Variants in MYO16 observed in about 807,000 individuals in gnomAD.
MYO16 encodes the protein myosin XVI, also known as unconventional myosin-XVI.
In MYO16, 94 loss-of-function variants were observed where a neutral mutation model predicts 205.3. The observed-to-expected ratio is 0.46, with a 90% CI of 0.39 to 0.54. The LOEUF (loss-of-function observed/expected upper bound fraction) is 0.54, where lower values mean the gene tolerates loss of function less well. MYO16 is among the 20% of genes least tolerant of loss of function. The pLI, the probability that MYO16 is intolerant of heterozygous loss-of-function variation, is 0.00. For synonymous variants in MYO16, 988 were observed against 954.0 expected (o/e 1.04, Z -0.66); for missense variants, 2,315 against 2,387.5 (o/e 0.97, Z 0.63).
intron 4 of MYO16, among the ~76,000 whole-genome samples, chr13:108,759,854 T>C (rs550465894): frequency 6.6e-6 from 1 of 152,118 alleles, no homozygotes; most frequent in South Asian, 2.1e-4. Context: ...TTCAATTTAA[T>C]TGGACTGCTC....
intron 1 of MYO16, among the ~76,000 whole-genome samples, chr13:108,639,278 A>G (rs1187049700): frequency 2.0e-5 from 3 of 152,126 alleles, no homozygotes; most frequent in Non-Finnish European, 4.4e-5. Context: ...CTAGAGAGGT[A>G]TTTATAAGGT....
chr13:108,850,543 T>C (rs906311936), intron 10 of MYO16, among the ~76,000 whole-genome samples: 8 of 152,210 alleles, frequency 5.3e-5, no homozygotes, highest in African/African-American at 1.7e-4. Flanking sequence ...TCTTTTGTAC[T>C]TATCTGGTAA....
the MYO16 span, among the ~76,000 whole-genome samples, chr13:108,526,188 T>C: frequency 1.3e-5 from 2 of 152,310 alleles, no homozygotes; most frequent in Admixed American, 1.3e-4. Flanking sequence ...TTGTTACAGA[T>C]ACTATATCTG....
At chr13:108,599,015 CAG>C (rs1318709896) in intron 1 of MYO16, among the ~76,000 whole-genome samples, 2 of 129,824 alleles carry the variant, frequency 1.5e-5, no homozygotes, top group Non-Finnish European at 3.2e-5. Flanking sequence ...ACCCCATCCC[CAG>C]AGTGTGAAGT....
At position 109,010,957 on chromosome 13, in the gene MYO16, T is replaced by TTATATATATATATATATATATA. The variant is rs67321937; in HGVS notation, c.2595+1927_2595+1928insATATATATATATATATATATAT. 2.9e-3 allele frequency among the ~76,000 whole-genome samples: 345 copies of TTATATATATATATATATATATA among 118,496 alleles called. 8 individuals carry two copies. The highest frequency in any genetic ancestry group is 0.014 in the Middle Eastern group (3 of 214). 77.7% of individuals were successfully genotyped at this position (118,496 alleles called of 152,430 possible). ...TCTATTATATATATTACATATAATA[T>TTATATATATATATATATATATA]TATATATATATATATATATTTCTTC... On this transcript the variant is annotated intron_variant, in intron 22 of 34. Coordinates refer to ENST00000457511, the MANE Select transcript of MYO16 (RefSeq NM_001198950.3).
rs575256203 is a variant in MYO16 at position 108,648,401 on chromosome 13, T to G, written c.29-17485T>G. 1.7e-4 allele frequency among the ~76,000 whole-genome samples: 26 copies of G among 152,278 alleles called. No homozygotes were observed. In the East Asian group the frequency reaches 4.6e-3, roughly 27 times the overall value. On this transcript the variant is annotated intron_variant, in intron 1 of 34. Transcript: ENST00000457511. ...ATGACCAGGGATTTTATCTTCTACC[T>G]TTTTATGTCTTAGTTCACAGCCAAG...
chr13:109,049,404 T>TTAGG (rs1887161753), intron 24 of MYO16, among the ~76,000 whole-genome samples: 1 of 152,176 alleles, frequency 6.6e-6, no homozygotes, highest in Admixed American at 6.6e-5. Context: ...GGCTCTCCCG[T>TTAGG]TAGGGCCCAA....
At chr13:109,040,457 A>G (rs544276792) in intron 23 of MYO16, among the ~76,000 whole-genome samples, 1 of 151,538 alleles carries the variant, frequency 6.6e-6, no homozygotes, top group African/African-American at 2.4e-5. Flanking sequence ...TATAGGTGAA[A>G]AAATATGTTT....
chr13:108,765,598 G>A (rs959960146), intron 4 of MYO16, among the ~76,000 whole-genome samples: 1 of 152,166 alleles, frequency 6.6e-6, no homozygotes, highest in Non-Finnish European at 1.5e-5. Flanking sequence ...TCTGTCTGCA[G>A]TATGGAGGAT....
chr13:109,173,452 T>A (rs996320298), intron 33 of MYO16, among the ~76,000 whole-genome samples: 5 of 152,188 alleles, frequency 3.3e-5, no homozygotes, highest in Non-Finnish European at 7.3e-5. Context: ...TTGAGTTTAA[T>A]TCAGAAAAGA....
the MYO16 span, among the ~76,000 whole-genome samples, chr13:108,508,047 G>A: frequency 6.6e-6 from 1 of 151,334 alleles, no homozygotes; most frequent in Non-Finnish European, 1.5e-5. Flanking sequence ...ATAGGTTTCT[G>A]GATTTTTTTC....
chr13:108,625,785 A>G (rs1370069774), upstream of MYO16, among the ~76,000 whole-genome samples: 1 of 152,220 alleles, frequency 6.6e-6, no homozygotes, highest in African/African-American at 2.4e-5. Context: ...TTTTGTCATG[A>G]CCTACTGTTA....
chr13:108,727,543 G>A lies in MYO16; in HGVS notation c.467G>A (p.Cys156Tyr). ...TTCTGGACGCCCATGCACATTGCCT[G>A]TGCCTGCGATAACCCTGATATTGTC... ...EDFWTPMHIA[C>Y]ACDNPDIVLL... Residue 156 changes from cysteine (C) to tyrosine (Y), a missense_variant, in exon 4 of 35, where the codon TGT becomes TAT. Around this residue, in one of 3 missense-constraint regions of MYO16, gnomAD observed 1,213 missense variants for 1,274.4 expected, o/e 0.95. Coordinates refer to ENST00000457511, the MANE Select transcript of MYO16 (RefSeq NM_001198950.3). 1 of 1,613,926 alleles carries A rather than the reference G, an allele frequency of 6.2e-7. No homozygotes were observed. The highest frequency in any genetic ancestry group is 8.5e-7 in the Non-Finnish European group (1 of 1,179,934).
At chr13:108,539,882 C>T in the MYO16 span, among the ~76,000 whole-genome samples, 1 of 151,884 alleles carries the variant, frequency 6.6e-6, no homozygotes, top group East Asian at 1.9e-4. Flanking sequence ...CTTCTCTTTT[C>T]CTTACTTTTT....
At chr13:108,573,690 G>A in the MYO16 span, among the ~76,000 whole-genome samples, 4,995 of 152,204 alleles carry the variant, frequency 0.033, 246 homozygotes, top group African/African-American at 0.11. Flanking sequence ...CAGACTTCAC[G>A]GGCTCAGAGA....
At chr13:108,998,665 C>G (rs1885114620) in intron 21 of MYO16, among the ~76,000 whole-genome samples, 1 of 152,292 alleles carries the variant, frequency 6.6e-6, no homozygotes, top group Non-Finnish European at 1.5e-5. Flanking sequence ...TGTCTCTGGT[C>G]CATCATATCT....
intron 4 of MYO16, among the ~76,000 whole-genome samples, chr13:108,754,731 A>G (rs1885366106): frequency 6.6e-6 from 1 of 152,218 alleles, no homozygotes; most frequent in South Asian, 2.1e-4. Flanking sequence ...CAAAAAATCA[A>G]GAACTTTCTT....
chr13:108,872,533 T>C (rs1879119709), intron 12 of MYO16, among the ~76,000 whole-genome samples: 1 of 151,956 alleles, frequency 6.6e-6, no homozygotes, highest in African/African-American at 2.4e-5. Context: ...TATTTGTTTA[T>C]TAATGTAAGA....
chr13:109,202,466 C>G (rs1043925992), intron 34 of MYO16, among the ~76,000 whole-genome samples: 4 of 152,106 alleles, frequency 2.6e-5, no homozygotes, highest in African/African-American at 9.7e-5. Context: ...TGATGTTGAG[C>G]ATTTTTTCAT....
Sources: gnomAD v4.1 joint callset for allele counts (sites outside exome capture counted in the v4.1 genomes callset) on GRCh38, gnomAD v4.1.1 for gene constraint, gnomAD v4.1.1 regional missense constraint, MANE v1.5 for transcripts, NCBI Gene and HGNC (gene_info 2026-07-23, HGNC 2026-07-21) for gene names.